Variants in DLG2 observed in about 807,000 individuals in gnomAD.
DLG2 encodes discs large MAGUK scaffold protein 2.
Under a neutral mutation model 132.5 loss-of-function variants are expected in DLG2, and 45 were observed. That is an observed-to-expected ratio of 0.34 (90% CI 0.27 to 0.44). The LOEUF (loss-of-function observed/expected upper bound fraction) is 0.44, where lower values mean the gene tolerates loss of function less well. Among genes scored for constraint, DLG2 ranks in the 20% least tolerant of loss-of-function variants. The pLI is 1.00. For synonymous variants in DLG2, 424 were observed against 419.6 expected, an observed-to-expected ratio of 1.01 and a Z score of -0.13; for missense variants, 1,045 against 1,196.9, an observed-to-expected ratio of 0.87 and a Z score of 1.87.
At chr11:85,131,311 T>C (rs1247698759) in intron 5 of DLG2, among the ~76,000 whole-genome samples, 1 of 152,064 alleles carries the variant, frequency 6.6e-6, no homozygotes, top group Non-Finnish European at 1.5e-5. Flanking sequence ...ATTTTTACAA[T>C]ATTAATTATG....
intron 11 of DLG2, among the ~76,000 whole-genome samples, chr11:84,012,768 C>T (rs2094956196): frequency 6.6e-6 from 1 of 151,962 alleles, no homozygotes; most frequent in Admixed American, 6.6e-5. Context: ...CTTCATTTGG[C>T]CCTTTGATTT....
At chr11:83,742,489 T>C (rs2092602471) in intron 18 of DLG2, among the ~76,000 whole-genome samples, 1 of 152,202 alleles carries the variant, frequency 6.6e-6, no homozygotes, top group Non-Finnish European at 1.5e-5. Flanking sequence ...GCAGAAATAA[T>C]GCTACCAAGA....
intron 6 of DLG2, among the ~76,000 whole-genome samples, chr11:84,972,048 G>C (rs1247103986): frequency 1.3e-5 from 2 of 152,026 alleles, no homozygotes; most frequent in African/African-American, 4.8e-5. Context: ...ACTTACTTAT[G>C]ACTCAGAGGG....
chr11:85,369,516 C>G (rs1169278157), intron 3 of DLG2, among the ~76,000 whole-genome samples: 1 of 152,006 alleles, frequency 6.6e-6, no homozygotes, highest in Non-Finnish European at 1.5e-5. Context: ...GGCAACCCAA[C>G]TATCACTGTT....
At chr11:84,490,087 G>A (rs2099160905) in intron 7 of DLG2, among the ~76,000 whole-genome samples, 1 of 152,128 alleles carries the variant, frequency 6.6e-6, no homozygotes, top group African/African-American at 2.4e-5. Context: ...ACATTCAGTG[G>A]TTAGCAAGAA....
chr11:84,505,376 G>C (rs1591090421), intron 7 of DLG2, among the ~76,000 whole-genome samples: 1 of 152,236 alleles, frequency 6.6e-6, no homozygotes, highest in East Asian at 1.9e-4. Context: ...AATCCTAAGA[G>C]ATAAGTGCTT....
At chr11:85,545,923 G>T (rs2076291047) in intron 3 of DLG2, among the ~76,000 whole-genome samples, 1 of 151,578 alleles carries the variant, frequency 6.6e-6, no homozygotes, top group Non-Finnish European at 1.5e-5. Flanking sequence ...CTATTTTGTT[G>T]AACTTTTCAA....
At chr11:83,625,878 C>T (rs1421965965) in intron 19 of DLG2, among the ~76,000 whole-genome samples, 3 of 152,196 alleles carry the variant, frequency 2.0e-5, no homozygotes, top group Non-Finnish European at 4.4e-5. Context: ...AGACTCGATG[C>T]ACTTGGTGTC....
intron 18 of DLG2, among the ~76,000 whole-genome samples, chr11:83,765,530 A>C (rs1010002989): frequency 2.6e-5 from 4 of 152,266 alleles, no homozygotes; most frequent in Non-Finnish European, 5.9e-5. Context: ...CAGAAATCAC[A>C]AAAGTGTCCA....
intron 6 of DLG2, among the ~76,000 whole-genome samples, chr11:84,840,393 T>G (rs559161423): frequency 1.3e-5 from 2 of 152,160 alleles, no homozygotes; most frequent in African/African-American, 4.8e-5. Flanking sequence ...CTGTTGATGG[T>G]AGTGTAAACT....
intron 18 of DLG2, among the ~76,000 whole-genome samples, chr11:83,731,988 A>G (rs922691933): frequency 2.0e-5 from 3 of 152,240 alleles, no homozygotes; most frequent in Non-Finnish European, 4.4e-5. Flanking sequence ...ACAATTGTCA[A>G]TGTTACTAGT....
At chr11:84,627,483 CA>C in intron 6 of DLG2, among the ~76,000 whole-genome samples, 1 of 152,256 alleles carries the variant, frequency 6.6e-6, no homozygotes, top group South Asian at 2.1e-4. Flanking sequence ...TATAAACGAA[CA>C]AATTTTGTAG....
intron 15 of DLG2, among the ~76,000 whole-genome samples, chr11:83,883,178 A>G (rs1460318407): frequency 2.0e-5 from 3 of 152,160 alleles, no homozygotes; most frequent in African/African-American, 4.8e-5. Context: ...CAGTTAACAT[A>G]TCGTGTTCCT....
chr11:84,808,161 A>T (rs900912365), intron 6 of DLG2, among the ~76,000 whole-genome samples: 1 of 152,128 alleles, frequency 6.6e-6, no homozygotes, highest in African/African-American at 2.4e-5. Context: ...ACCAGAAAAA[A>T]GCAAAATTAA....
chr11:83,467,426 T>A (rs1474972588), intron 25 of DLG2, among the ~76,000 whole-genome samples: 1 of 152,078 alleles, frequency 6.6e-6, no homozygotes, highest in Non-Finnish European at 1.5e-5. Flanking sequence ...CTCAGTCTAG[T>A]GGAGGGCAGA....
intron 4 of DLG2, among the ~76,000 whole-genome samples, chr11:85,159,774 G>A (rs923669642): frequency 2.0e-5 from 3 of 152,160 alleles, no homozygotes; most frequent in Non-Finnish European, 4.4e-5. Flanking sequence ...CAGCCAGCAA[G>A]GTCAACAATA....
intron 3 of DLG2, among the ~76,000 whole-genome samples, chr11:85,535,535 G>T (rs2075522932): frequency 6.6e-6 from 1 of 152,136 alleles, no homozygotes; most frequent in Admixed American, 6.5e-5. Flanking sequence ...TATTGCTGAT[G>T]GGATTGCAAA....
intron 7 of DLG2, among the ~76,000 whole-genome samples, chr11:84,433,761 G>C (rs1784086886): frequency 6.6e-6 from 1 of 152,124 alleles, no homozygotes; most frequent in African/African-American, 2.4e-5. Flanking sequence ...ATAGGAATAA[G>C]CAATGAGTAC....
chr11:85,605,183 T>C (rs1291244509), intron 2 of DLG2, among the ~76,000 whole-genome samples: 1 of 152,208 alleles, frequency 6.6e-6, no homozygotes, highest in Admixed American at 6.5e-5. Context: ...GTCATACCTA[T>C]TTTACATGAA....
Sources: gnomAD v4.1 joint callset for allele counts (sites outside exome capture counted in the v4.1 genomes callset) on GRCh38, gnomAD v4.1.1 for gene constraint, MANE v1.5 for transcripts, NCBI Gene and HGNC (gene_info 2026-07-23, HGNC 2026-07-21) for gene names.